SMYD3: variants seen among roughly 807,000 people sequenced by gnomAD.
The protein encoded by SMYD3 is SET and MYND domain containing 3.
SMYD3 carries 36 observed loss-of-function variants against 57.7 expected under a neutral mutation model. That is an observed-to-expected ratio of 0.62 (90% confidence interval 0.48 to 0.82). The LOEUF is 0.82. Among genes scored for constraint, SMYD3 ranks in the 40% least tolerant of loss-of-function variants. The pLI, the probability that SMYD3 is intolerant of heterozygous loss-of-function variation, is 0.00. For missense variants in SMYD3, 515 were observed against 538.8 expected (o/e 0.96, Z 0.44); for synonymous variants, 211 against 195.0 (o/e 1.08, Z -0.68).
intron 5 of SMYD3, among the ~76,000 whole-genome samples, chr1:246,190,508 C>T (rs890852615): frequency 1.3e-5 from 2 of 149,248 alleles, no homozygotes; most frequent in Admixed American, 6.8e-5. Flanking sequence ...TCGCTTGAAC[C>T]CGGGAGGCAG....
At chr1:245,989,301 C>A (rs1473448135) in intron 5 of SMYD3, among the ~76,000 whole-genome samples, 1 of 65,700 alleles carries the variant, frequency 1.5e-5, no homozygotes, top group Non-Finnish European at 4.8e-5. Context: ...GTCAGTTAAT[C>A]CATCTTCCTG....
intron 1 of SMYD3, among the ~76,000 whole-genome samples, chr1:246,469,592 C>T (rs2067930969): frequency 1.3e-5 from 2 of 151,172 alleles, no homozygotes; most frequent in South Asian, 2.1e-4. Context: ...AATAATGGAA[C>T]AAATAGGAAC....
chr1:246,204,489 G>A (rs1402953653), intron 5 of SMYD3, among the ~76,000 whole-genome samples: 1 of 152,100 alleles, frequency 6.6e-6, no homozygotes, highest in African/African-American at 2.4e-5. Flanking sequence ...TAAATAAATT[G>A]GCTTAACTCT....
chr1:246,453,568 G>A (rs977013027), intron 1 of SMYD3, among the ~76,000 whole-genome samples: 6 of 152,104 alleles, frequency 3.9e-5, no homozygotes, highest in Non-Finnish European at 7.4e-5. Context: ...AACCCTGCTG[G>A]TTTATCAGTG....
intron 5 of SMYD3, among the ~76,000 whole-genome samples, chr1:245,936,576 A>G (rs2056988697): frequency 6.6e-6 from 1 of 152,228 alleles, no homozygotes; most frequent in Non-Finnish European, 1.5e-5. Context: ...TAAGGCCCAA[A>G]GCAATAATAT....
intron 8 of SMYD3, among the ~76,000 whole-genome samples, chr1:245,895,719 C>A (rs1408758362): frequency 6.6e-6 from 1 of 152,234 alleles, no homozygotes; most frequent in Non-Finnish European, 1.5e-5. Flanking sequence ...GTTTACAGGG[C>A]ATAGCCCAGG....
intron 5 of SMYD3, among the ~76,000 whole-genome samples, chr1:246,178,415 T>C (rs764527065): frequency 6.6e-6 from 1 of 152,204 alleles, no homozygotes; most frequent in Non-Finnish European, 1.5e-5. Context: ...GGGAGTCATT[T>C]ACATACAGTT....
intron 5 of SMYD3, among the ~76,000 whole-genome samples, chr1:246,085,049 T>C (rs531779604): frequency 2.0e-5 from 3 of 152,348 alleles, no homozygotes; most frequent in Admixed American, 6.5e-5. Flanking sequence ...CTAATGCAGC[T>C]TTAAAGCTGT....
At chr1:245,901,604 A>G (rs2054186590) in intron 8 of SMYD3, among the ~76,000 whole-genome samples, 1 of 152,220 alleles carries the variant, frequency 6.6e-6, no homozygotes. Context: ...ACAGAGAGAC[A>G]TCATCAAGAT....
At chr1:246,140,638 G>A (rs1402107275) in intron 5 of SMYD3, among the ~76,000 whole-genome samples, 1 of 152,024 alleles carries the variant, frequency 6.6e-6, no homozygotes, top group East Asian at 1.9e-4. Context: ...TAGAGATAGG[G>A]GTCTCAATCT....
chr1:245,988,107 A>AAC (rs35432668), intron 5 of SMYD3, among the ~76,000 whole-genome samples: 2,995 of 148,774 alleles, frequency 0.02, 38 homozygotes, highest in African/African-American at 0.035. Flanking sequence ...AACCAAACCA[A>AAC]ACACACACAC....
At chr1:246,062,536 T>C (rs1173297054) in intron 5 of SMYD3, among the ~76,000 whole-genome samples, 1 of 152,222 alleles carries the variant, frequency 6.6e-6, no homozygotes, top group African/African-American at 2.4e-5. Context: ...TTTTCCCAAT[T>C]ACAAATGCTA....
At chr1:245,773,039 T>C (rs2046399610) in intron 10 of SMYD3, among the ~76,000 whole-genome samples, 1 of 148,068 alleles carries the variant, frequency 6.8e-6, no homozygotes, top group South Asian at 2.1e-4. Flanking sequence ...TGGAATGCAC[T>C]GTTGCACCCA....
chr1:246,442,593 CA>C (rs1195390351), intron 1 of SMYD3, among the ~76,000 whole-genome samples: 1 of 134,368 alleles, frequency 7.4e-6, no homozygotes, highest in Non-Finnish European at 1.7e-5. Context: ...AAAGAGAAAA[CA>C]AAGTAAAAGT....
intron 5 of SMYD3, among the ~76,000 whole-genome samples, chr1:246,254,782 C>A (rs2063854673): frequency 6.6e-6 from 1 of 152,080 alleles, no homozygotes; most frequent in African/African-American, 2.4e-5. Flanking sequence ...TGTCTTTCCA[C>A]TTGTTTGTGT....
At chr1:246,309,953 A>C (rs976340356) in intron 5 of SMYD3, among the ~76,000 whole-genome samples, 3 of 152,170 alleles carry the variant, frequency 2.0e-5, no homozygotes, top group African/African-American at 4.8e-5. Context: ...TAGGTTTTTA[A>C]GACAGAGCAA....
chr1:246,348,828 G>A (rs1314696564), intron 2 of SMYD3, among the ~76,000 whole-genome samples: 2 of 152,028 alleles, frequency 1.3e-5, no homozygotes, highest in Non-Finnish European at 2.9e-5. Context: ...CTCAGTGTCA[G>A]TTATTCTATT....
At chr1:246,000,286 A>G (rs1487278107) in intron 5 of SMYD3, among the ~76,000 whole-genome samples, 3 of 152,156 alleles carry the variant, frequency 2.0e-5, no homozygotes, top group African/African-American at 7.2e-5. Context: ...CAGGGCACCG[A>G]TAAGTGTCGG....
chr1:246,378,525 G>C (rs546955780), intron 1 of SMYD3, among the ~76,000 whole-genome samples: 4 of 149,730 alleles, frequency 2.7e-5, no homozygotes, highest in Non-Finnish European at 1.5e-5. Context: ...TTGAACATCA[G>C]ACTCCAAGTT....
Sources: allele counts gnomAD v4.1 joint callset (sites outside exome capture counted in the v4.1 genomes callset), GRCh38; gene constraint gnomAD v4.1.1; transcripts MANE v1.5; gene names NCBI Gene and HGNC (gene_info 2026-07-23, HGNC 2026-07-21).